The following TBCD variants were observed in gnomAD, a reference collection of about 807,000 sequenced individuals.
TBCD encodes the protein tubulin folding cofactor D, also known as tubulin-specific chaperone D.
Under a neutral mutation model 169.3 loss-of-function variants are expected in TBCD, and 105 were observed. That is an observed-to-expected ratio of 0.62 (90% CI 0.53 to 0.73). The LOEUF is 0.73. Ranked by LOEUF, TBCD falls within the 30% of genes least tolerant of loss-of-function variation. The pLI, the probability that TBCD is intolerant of heterozygous loss-of-function variation, is 0.00. For synonymous variants in TBCD, 700 were observed against 643.9 expected, an observed-to-expected ratio of 1.09 and a Z score of -1.32; for missense variants, 1,444 against 1,600.1, an observed-to-expected ratio of 0.90 and a Z score of 1.66.
intron 7 of TBCD, among the ~76,000 whole-genome samples, chr17:82,794,704 G>T (rs2049980112): frequency 6.6e-6 from 1 of 152,194 alleles, no homozygotes; most frequent in South Asian, 2.1e-4. Context: ...ACTTTTCAGT[G>T]AAATAAATGG....
chr17:82,889,095 AG>A lies in TBCD; in HGVS notation c.1534-567del, dbSNP rs915886264. Among the ~76,000 whole-genome samples, 1 of 152,160 alleles carries A rather than the reference AG, an allele frequency of 6.6e-6. No homozygotes were observed. The highest frequency in any genetic ancestry group is 2.4e-5 in the African/African-American group (1 of 41,438). ...CTGCTCTGCCTGGTCGGTGCGCCTA[AG>A]GGGGGCAGGGTGTTTGGGGAGGACA... On this transcript the variant is annotated intron_variant, in intron 15 of 38. Transcript: ENST00000355528. The surrounding 1 kb of genome is among the most constrained non-coding windows in gnomAD (Gnocchi z 5.3).
intron 17 of TBCD, among the ~76,000 whole-genome samples, chr17:82,899,492 T>C (rs932451614): frequency 6.6e-6 from 1 of 152,246 alleles, no homozygotes; most frequent in African/African-American, 2.4e-5. Context: ...CTGCACCTCC[T>C]TTTGGTTGGT....
At chr17:82,870,152 C>G in intron 13 of TBCD, 72 bp from the exon 14 acceptor site, 1 of 1,598,592 alleles carries the variant, frequency 6.3e-7, no homozygotes, top group Admixed American at 1.7e-5. Context: ...GCCCTGAGCC[C>G]CACTTCTCTG....
chr17:82,924,533 TTATGTCA>T (rs1174108321), intron 26 of TBCD, among the ~76,000 whole-genome samples: 2 of 152,210 alleles, frequency 1.3e-5, no homozygotes, highest in African/African-American at 4.8e-5. Flanking sequence ...CAGTGTTCCT[TTATGTCA>T]TATGATAGAA....
chr17:82,764,128 C>G, intron 3 of TBCD, 66 bp downstream of exon 3: 1 of 1,250,314 alleles, frequency 8.0e-7, no homozygotes, highest in East Asian at 2.4e-5. Flanking sequence ...CAGAGGTTAC[C>G]CTCCAAAATG....
At chr17:82,767,991 G>A (rs140628679) in intron 4 of TBCD, among the ~76,000 whole-genome samples, 2,535 of 150,924 alleles carry the variant, frequency 0.017, 67 homozygotes, top group African/African-American at 0.058. Context: ...CAGGTGATCC[G>A]CTCGTCTCGG....
rs555439687 is a variant in TBCD, at chr17:82,759,878, T to C, written c.235+3663T>C. Among the ~76,000 whole-genome samples, 450 of 142,874 alleles carry C rather than the reference T, an allele frequency of 3.1e-3. 4 individuals carry two copies. The highest frequency in any genetic ancestry group is 0.011 in the African/African-American group (427 of 38,576). The allele number at this position is 142,874 out of a possible 152,430, so 93.7% of individuals were successfully genotyped here. The stretch of plus-strand genomic sequence containing the variant: ...TGTATGCTCTTTTTTCTGGGTCATT[T>C]CGTTTGTTTGTTTTTTTTTTTTTTT... On this transcript the variant is annotated intron_variant, in intron 2 of 38. Coordinates refer to ENST00000355528, the MANE Select transcript of TBCD (RefSeq NM_005993.5).
chr17:82,757,538 C>T (rs960322986), intron 2 of TBCD, among the ~76,000 whole-genome samples: 20 of 150,870 alleles, frequency 1.3e-4, no homozygotes, highest in African/African-American at 3.9e-4. Context: ...AGGAGAATGG[C>T]GTGAACCCGG....
Position 82,864,425 on chromosome 17 carries a change from A to G in TBCD, c.1319-5799A>G, listed in dbSNP as rs984041588. ...GACGTTCTGTGCTCTTATTTTAACAACTGTAAGAATCTGAGCTTGGTGACA... is the reference window on the plus strand; with the variant it reads ...GACGTTCTGTGCTCTTATTTTAACAGCTGTAAGAATCTGAGCTTGGTGACA... On this transcript the variant is annotated intron_variant, in intron 13 of 38. Transcript: ENST00000355528. This position sits in a 1 kb window ranked among gnomAD's most constrained non-coding sequence, Gnocchi z 6.3. 4 of 152,016 alleles carry G rather than the reference A, an allele frequency of 2.6e-5. No individual in the cohort carries two copies. The highest frequency in any genetic ancestry group is 6.5e-5 in the Admixed American group (1 of 15,268). 9.4% of individuals were successfully genotyped at this position (152,016 alleles called of 1,614,324 possible).
Position 82,930,378 on chromosome 17 carries a change from A to G in TBCD, c.2992-144A>G. On this transcript the variant is annotated intron_variant, in intron 32 of 38. Transcript: ENST00000355528. The surrounding 1 kb of genome is among the most constrained non-coding windows in gnomAD (Gnocchi z 5.2). ...TGAGTGGCTCCGTGCTGGCGTCCGCACCAGCCGCTTGGGGCCAGACCTTCG... is the reference window on the plus strand; with the variant it reads ...TGAGTGGCTCCGTGCTGGCGTCCGCGCCAGCCGCTTGGGGCCAGACCTTCG... 1 of 1,270,270 alleles carries G rather than the reference A, an allele frequency of 7.9e-7. No individual in the cohort carries two copies. Among genetic ancestry groups the G allele is most frequent in the Non-Finnish European group, 1.1e-6 (1 of 945,654 alleles). 78.7% of individuals were successfully genotyped at this position (1,270,270 alleles called of 1,614,324 possible). A position where few individuals can be genotyped will look rare whatever the true frequency, so the allele number is the denominator to read the frequency against.
chr17:82,791,192 C>T (rs1400276185), intron 7 of TBCD, among the ~76,000 whole-genome samples: 14 of 150,824 alleles, frequency 9.3e-5, no homozygotes, highest in African/African-American at 3.4e-4. Context: ...CCCGGGTTCA[C>T]GCCATTCTCC....
chr17:82,885,087 G>T (rs2058631173), intron 15 of TBCD, among the ~76,000 whole-genome samples: 1 of 152,124 alleles, frequency 6.6e-6, no homozygotes, highest in South Asian at 2.1e-4. Flanking sequence ...CCTGTTGAGG[G>T]AGCCGTTCAC....
At chr17:82,863,056 T>G (rs2056898407) in intron 13 of TBCD, among the ~76,000 whole-genome samples, 1 of 152,208 alleles carries the variant, frequency 6.6e-6, no homozygotes, top group African/African-American at 2.4e-5. Flanking sequence ...TTTGGGAGGC[T>G]TATTAATGTC....
Position 82,832,164 on chromosome 17 carries a change from G to A in TBCD, c.1318+17230G>A, listed in dbSNP as rs968727473. 3 of 1,614,274 alleles carry A rather than the reference G, an allele frequency of 1.9e-6. No homozygotes were observed. The highest frequency in any genetic ancestry group is 2.2e-5 in the East Asian group (1 of 44,888). ...AGCTGTGCTGAAGCTTCGAGTCGAA[G>A]GCAGAGAGTCCATTTGCGACAGACT... On this transcript the variant is annotated intron_variant, in intron 13 of 38. Coordinates refer to ENST00000355528, the MANE Select transcript of TBCD (RefSeq NM_005993.5). This position sits in a 1 kb window ranked among gnomAD's most constrained non-coding sequence, Gnocchi z 4.9.
chr17:82,755,351 G>T (rs959010316), intron 1 of TBCD, among the ~76,000 whole-genome samples: 2 of 152,202 alleles, frequency 1.3e-5, no homozygotes, highest in African/African-American at 4.8e-5. Flanking sequence ...TTGGATCAGG[G>T]AAAAGACCTA....
At chr17:82,814,792 C>T in intron 12 of TBCD, 48 bp from the exon 13 acceptor site, 2 of 1,597,546 alleles carry the variant, frequency 1.3e-6, no homozygotes, top group South Asian at 1.1e-5. Context: ...GGCTTTGAAC[C>T]AAAAGCTGAC....
intron 10 of TBCD, among the ~76,000 whole-genome samples, chr17:82,807,318 G>C (rs982308654): frequency 1.3e-5 from 2 of 152,200 alleles, no homozygotes; most frequent in African/African-American, 4.8e-5. Flanking sequence ...CCTGGCCTGG[G>C]TGGGGCCCTT....
In TBCD at chr17:82,844,839, A is replaced by G. The variant is rs2054864806; in HGVS notation, c.1319-25385A>G. Among the ~76,000 whole-genome samples the G allele has an allele frequency of 1.3e-5, 2 of 152,048 alleles. 1 individual carries two copies. The highest frequency in any genetic ancestry group is 4.1e-4 in the South Asian group (2 of 4,832). ...GGCAGCTGATGTTTCTTGCGTGTTGATGGTGTGGGGCACCGTGCCAGGTGC... is the reference window on the plus strand; with the variant it reads ...GGCAGCTGATGTTTCTTGCGTGTTGGTGGTGTGGGGCACCGTGCCAGGTGC... On this transcript the variant is annotated intron_variant, in intron 13 of 38. Coordinates refer to ENST00000355528, the MANE Select transcript of TBCD (RefSeq NM_005993.5).
chr17:82,814,290 G>A (rs958683386), intron 12 of TBCD, among the ~76,000 whole-genome samples: 1 of 152,200 alleles, frequency 6.6e-6, no homozygotes, highest in Non-Finnish European at 1.5e-5. Context: ...CTACTTTTCT[G>A]AAGTGTCTTA....
Sources: allele counts gnomAD v4.1 joint callset (sites outside exome capture counted in the v4.1 genomes callset), GRCh38; gene constraint gnomAD v4.1.1; non-coding constraint Gnocchi (gnomAD v3.1); transcripts MANE v1.5; gene names NCBI Gene and HGNC (gene_info 2026-07-23, HGNC 2026-07-21).